The following IQCK variants were observed in gnomAD, a reference collection of about 807,000 sequenced individuals.
IQCK encodes IQ motif containing K.
Under a neutral mutation model 28.1 loss-of-function variants are expected in IQCK, and 29 were observed. The observed-to-expected ratio is 1.03, with a 90% CI of 0.77 to 1.41. The LOEUF (loss-of-function observed/expected upper bound fraction) is 1.41, where lower values mean the gene tolerates loss of function less well. Ranked by LOEUF, IQCK falls within the 40% of genes most tolerant of loss-of-function variation. IQCK has a pLI of 0.00. For synonymous variants in IQCK, 113 were observed against 115.1 expected (o/e 0.98, Z 0.12); for missense variants, 359 against 314.7 (o/e 1.14, Z -1.07).
chr16:19,770,858 A>G (rs1052503146), intron 6 of IQCK, among the ~76,000 whole-genome samples: 1 of 152,056 alleles, frequency 6.6e-6, no homozygotes, highest in African/African-American at 2.4e-5. Context: ...CCTGGCCTCA[A>G]GTGATCCACC....
At chr16:19,782,385 C>G (rs916249725) in intron 6 of IQCK, among the ~76,000 whole-genome samples, 2 of 150,040 alleles carry the variant, frequency 1.3e-5, no homozygotes, top group African/African-American at 4.9e-5. Flanking sequence ...GACTCCATCT[C>G]AAAAAGAAAA....
At chr16:19,753,852 C>A (rs896080703) in intron 4 of IQCK, among the ~76,000 whole-genome samples, 1 of 151,838 alleles carries the variant, frequency 6.6e-6, no homozygotes, top group Non-Finnish European at 1.5e-5. Context: ...AAAACAGCTG[C>A]GACCACTGCC....
intron 7 of IQCK, among the ~76,000 whole-genome samples, chr16:19,823,904 G>T (rs901972691): frequency 1.3e-5 from 2 of 151,866 alleles, no homozygotes; most frequent in Non-Finnish European, 2.9e-5. Flanking sequence ...CTGTACTCCA[G>T]CCTAGGCGGC....
chr16:19,845,023 C>G (rs936699693), intron 9 of IQCK, among the ~76,000 whole-genome samples: 14 of 151,934 alleles, frequency 9.2e-5, no homozygotes, highest in African/African-American at 2.7e-4. Context: ...AGGCTGGTCT[C>G]GAACTCCTGG....
intron 6 of IQCK, among the ~76,000 whole-genome samples, chr16:19,775,597 C>T (rs1597547788): frequency 6.6e-6 from 1 of 152,296 alleles, no homozygotes; most frequent in Non-Finnish European, 1.5e-5. Flanking sequence ...TACCAAAATA[C>T]CAGTGGCTTA....
intron 4 of IQCK, among the ~76,000 whole-genome samples, chr16:19,740,663 T>C (rs149315568): frequency 1.8e-3 from 281 of 152,292 alleles, no homozygotes; most frequent in African/African-American, 6.3e-3. Context: ...GAATAATCTT[T>C]GTTTTCATAC....
intron 4 of IQCK, among the ~76,000 whole-genome samples, chr16:19,738,469 C>T (rs1012999035): frequency 9.2e-5 from 14 of 152,128 alleles, no homozygotes; most frequent in Non-Finnish European, 1.5e-4. Context: ...TGATTTATAG[C>T]GCAGCAGTTA....
intron 4 of IQCK, among the ~76,000 whole-genome samples, chr16:19,745,655 G>A (rs537764924): frequency 6.6e-6 from 1 of 152,270 alleles, no homozygotes; most frequent in Non-Finnish European, 1.5e-5. Context: ...TTGCTGTGTT[G>A]TACAGTAAAC....
intron 4 of IQCK, among the ~76,000 whole-genome samples, chr16:19,742,362 G>T (rs368706520): frequency 1.3e-5 from 2 of 151,996 alleles, no homozygotes; most frequent in Admixed American, 6.6e-5. Context: ...ATGTTCCCCC[G>T]TCCCCGGTCA....
intron 6 of IQCK, among the ~76,000 whole-genome samples, chr16:19,781,050 G>A (rs2055475885): frequency 6.6e-6 from 1 of 152,132 alleles, no homozygotes. Context: ...AAAGGGTGGG[G>A]AGGTAGGTGG....
At chr16:19,829,301 A>G (rs1298197462), downstream of IQCK, among the ~76,000 whole-genome samples, 2 of 149,508 alleles carry the variant, frequency 1.3e-5, no homozygotes, top group Admixed American at 6.7e-5. Flanking sequence ...CAATGTGCCA[A>G]TGCCTTCTTC....
chr16:19,722,542 C>G (rs182238843), intron 1 of IQCK, among the ~76,000 whole-genome samples: 1 of 152,340 alleles, frequency 6.6e-6, no homozygotes, highest in East Asian at 1.9e-4. Flanking sequence ...GCTTCTTCCT[C>G]ATTTCTCCGA....
intron 6 of IQCK, chr16:19,764,420 G>A (rs2055197776): frequency 9.3e-6 from 2 of 214,674 alleles, no homozygotes; most frequent in Non-Finnish European, 1.8e-5. Flanking sequence ...TATGTCTCAG[G>A]AAATATGACT....
chr16:19,774,349 T>C (rs903376846), intron 6 of IQCK, among the ~76,000 whole-genome samples: 1 of 150,930 alleles, frequency 6.6e-6, no homozygotes, highest in Non-Finnish European at 1.5e-5. Context: ...TTGGTACATA[T>C]ACCAAGCAGG....
chr16:19,828,753 T>C (rs989971824), downstream of IQCK, among the ~76,000 whole-genome samples: 1 of 149,124 alleles, frequency 6.7e-6, no homozygotes, highest in South Asian at 2.1e-4. Context: ...GGCGGGCACC[T>C]GTAATCCCAG....
chr16:19,736,884 A>G (rs1978030057), intron 4 of IQCK, among the ~76,000 whole-genome samples: 1 of 151,764 alleles, frequency 6.6e-6, no homozygotes, highest in Non-Finnish European at 1.5e-5. Flanking sequence ...ACAGTGGCTC[A>G]TGCCCATAAT....
chr16:19,844,482 C>T (rs184833991), intron 9 of IQCK, among the ~76,000 whole-genome samples: 5 of 152,146 alleles, frequency 3.3e-5, no homozygotes, highest in South Asian at 2.1e-4. Flanking sequence ...GGAGATGGGT[C>T]GGATGACCCG....
At chr16:19,824,467 C>T (rs1368144363) in intron 7 of IQCK, among the ~76,000 whole-genome samples, 2 of 152,174 alleles carry the variant, frequency 1.3e-5, no homozygotes, top group Non-Finnish European at 2.9e-5. Flanking sequence ...TGGTTCCTAA[C>T]AGGCCATGGA....
intron 9 of IQCK, among the ~76,000 whole-genome samples, chr16:19,837,921 A>G (rs984408398): frequency 6.6e-6 from 1 of 152,212 alleles, no homozygotes; most frequent in African/African-American, 2.4e-5. Context: ...CTTCTCACTA[A>G]TGCAGTTTCA....
Sources: gnomAD v4.1 joint callset for allele counts (sites outside exome capture counted in the v4.1 genomes callset) on GRCh38, gnomAD v4.1.1 for gene constraint, MANE v1.5 for transcripts, NCBI Gene and HGNC (gene_info 2026-07-23, HGNC 2026-07-21) for gene names.